Variants in SCFD2 observed in about 807,000 individuals in gnomAD.
SCFD2 encodes the protein sec1 family domain containing 2.
A neutral mutation model predicts 58.9 loss-of-function variants in SCFD2; 54 were observed. The observed-to-expected ratio is 0.92, with a 90% CI of 0.74 to 1.15. SCFD2 has a LOEUF of 1.15. Ranked by LOEUF, SCFD2 falls within the 50% of genes most tolerant of loss-of-function variation. SCFD2 has a pLI of 0.00. For missense variants in SCFD2, 805 were observed against 836.6 expected, an observed-to-expected ratio of 0.96 and a Z score of 0.47; for synonymous variants, 321 against 335.9, an observed-to-expected ratio of 0.96 and a Z score of 0.49.
chr4:53,059,031 C>T (rs925782934), intron 5 of SCFD2, among the ~76,000 whole-genome samples: 5 of 152,060 alleles, frequency 3.3e-5, no homozygotes, highest in African/African-American at 1.2e-4. Flanking sequence ...GAGCTGATGG[C>T]AAGGGTGTAG....
chr4:53,227,389 T>G lies in SCFD2; in HGVS notation c.1311+46437A>C, dbSNP rs372346022. 2.0e-5 allele frequency among the ~76,000 whole-genome samples: 3 copies of G among 152,102 alleles called. No individual in the cohort carries two copies. The East Asian group carries it at 5.8e-4, about 29-fold the overall frequency. Reference sequence around the variant, plus strand: ...GTGTAGCCAATGTTCACAAAGAAATTTAGATCTTAAATAAACCCATATAAG... The same window carrying G: ...GTGTAGCCAATGTTCACAAAGAAATGTAGATCTTAAATAAACCCATATAAG... On this transcript the variant is annotated intron_variant, in intron 4 of 8. Transcript: ENST00000401642.
At chr4:52,965,290 T>C (rs1385518540) in intron 5 of SCFD2, among the ~76,000 whole-genome samples, 1 of 152,178 alleles carries the variant, frequency 6.6e-6, no homozygotes, top group East Asian at 1.9e-4. Context: ...TGGCATATTA[T>C]TGGATTTCTT....
chr4:52,966,775 C>T (rs1477120359), intron 5 of SCFD2, among the ~76,000 whole-genome samples: 2 of 152,078 alleles, frequency 1.3e-5, no homozygotes, highest in Non-Finnish European at 2.9e-5. Context: ...AATATTGATA[C>T]ATTTTCTTAA....
At chr4:53,356,421 T>G (rs1435899493) in intron 1 of SCFD2, among the ~76,000 whole-genome samples, 2 of 152,092 alleles carry the variant, frequency 1.3e-5, no homozygotes, top group Admixed American at 1.3e-4. Context: ...ATCAAAGAAT[T>G]TGTAGACATA....
At chr4:53,191,752 A>G (rs1727920416) in intron 4 of SCFD2, among the ~76,000 whole-genome samples, 1 of 152,178 alleles carries the variant, frequency 6.6e-6, no homozygotes, top group African/African-American at 2.4e-5. Flanking sequence ...GTCATAGAAA[A>G]CAATAGGAAC....
chr4:52,953,201 C>T (rs1720639930), intron 5 of SCFD2, among the ~76,000 whole-genome samples: 1 of 152,180 alleles, frequency 6.6e-6, no homozygotes, highest in African/African-American at 2.4e-5. Flanking sequence ...ACTATCACTG[C>T]CTCCACATGG....
chr4:52,882,193 CTGA>C (rs1006490965), intron 8 of SCFD2, among the ~76,000 whole-genome samples: 3 of 152,108 alleles, frequency 2.0e-5, no homozygotes, highest in African/African-American at 7.2e-5. Flanking sequence ...GCTACAGGAA[CTGA>C]TGATATTCAG....
chr4:53,143,554 T>A (rs575397656), intron 5 of SCFD2, among the ~76,000 whole-genome samples: 4 of 152,332 alleles, frequency 2.6e-5, no homozygotes, highest in Admixed American at 1.3e-4. Flanking sequence ...GAAACTTCAT[T>A]CAATTCCCAT....
At chr4:53,254,821 TTTTA>T (rs1158454433) in intron 4 of SCFD2, among the ~76,000 whole-genome samples, 84 of 67,390 alleles carry the variant, frequency 1.2e-3, no homozygotes, top group Non-Finnish European at 2.2e-3. Flanking sequence ...TTTTATTTTA[TTTTA>T]TTTTATTTTA....
At chr4:53,207,930 A>G (rs147078268) in intron 4 of SCFD2, among the ~76,000 whole-genome samples, 4 of 149,816 alleles carry the variant, frequency 2.7e-5, no homozygotes, top group African/African-American at 4.9e-5. Context: ...ACTCAGTCTC[A>G]GGTATTTCTT....
chr4:53,123,577 G>A (rs1725544240), intron 5 of SCFD2, among the ~76,000 whole-genome samples: 1 of 151,916 alleles, frequency 6.6e-6, no homozygotes, highest in Non-Finnish European at 1.5e-5. Flanking sequence ...TGCCAGTTGT[G>A]TGCCTATAAG....
intron 1 of SCFD2, among the ~76,000 whole-genome samples, chr4:53,363,599 C>T (rs1377106478): frequency 6.6e-6 from 1 of 152,062 alleles, no homozygotes; most frequent in East Asian, 1.9e-4. Flanking sequence ...TTTGGGAGGC[C>T]GAGGCGGGTG....
intron 5 of SCFD2, among the ~76,000 whole-genome samples, chr4:53,109,800 T>C (rs1412512448): frequency 8.5e-5 from 13 of 152,158 alleles, no homozygotes; most frequent in African/African-American, 3.1e-4. Flanking sequence ...TTGTCCAAAG[T>C]AATTTATAGC....
rs573348785 is a variant in SCFD2, at chr4:53,273,616, A to G, written c.1311+210T>C. The G allele has an allele frequency of 2.0e-4, 91 of 450,956 alleles. No homozygotes were observed. The East Asian group carries it at 3.3e-3, about 16-fold the overall frequency. The allele number at this position is 450,956 out of a possible 1,614,324, so 27.9% of individuals were successfully genotyped here. A position where few individuals can be genotyped will look rare whatever the true frequency, so the allele number is the denominator to read the frequency against. On this transcript the variant is annotated intron_variant, in intron 4 of 8. Coordinates refer to ENST00000401642, the MANE Select transcript of SCFD2 (RefSeq NM_152540.4). ...AAAACATCCTTGGTATTAAATGAGA[A>G]GCCAAAGATGTTACTGTCAAAATTT... is the stretch of plus-strand genomic sequence containing the variant.
intron 5 of SCFD2, among the ~76,000 whole-genome samples, chr4:52,937,642 A>G (rs1011941128): frequency 9.9e-5 from 15 of 152,208 alleles, no homozygotes; most frequent in Non-Finnish European, 5.9e-5. Context: ...GGAGGAAGCT[A>G]TAGCATGGCT....
At chr4:52,951,475 T>C (rs1720591637) in intron 5 of SCFD2, among the ~76,000 whole-genome samples, 1 of 152,212 alleles carries the variant, frequency 6.6e-6, no homozygotes, top group Non-Finnish European at 1.5e-5. Context: ...AGCCAACCAG[T>C]ACCCTTAGAA....
chr4:53,030,649 T>A (rs1722594291), intron 5 of SCFD2, among the ~76,000 whole-genome samples: 1 of 152,174 alleles, frequency 6.6e-6, no homozygotes, highest in South Asian at 2.1e-4. Context: ...CTCGAACTCC[T>A]GACCTCAGGT....
chr4:53,273,249 A>T (rs1239371317), intron 4 of SCFD2, among the ~76,000 whole-genome samples: 2 of 152,168 alleles, frequency 1.3e-5, no homozygotes, highest in Non-Finnish European at 2.9e-5. Flanking sequence ...TATAATTTTT[A>T]AAAATACTTC....
intron 5 of SCFD2, among the ~76,000 whole-genome samples, chr4:52,932,636 T>C (rs1210184374): frequency 6.6e-6 from 1 of 152,178 alleles, no homozygotes; most frequent in Non-Finnish European, 1.5e-5. Context: ...AGAAGCTTAG[T>C]GGCCTAAAGT....
Sources: allele counts gnomAD v4.1 joint callset (sites outside exome capture counted in the v4.1 genomes callset), GRCh38; gene constraint gnomAD v4.1.1; transcripts MANE v1.5; gene names NCBI Gene and HGNC (gene_info 2026-07-23, HGNC 2026-07-21).